Variants in ATRNL1 observed in about 807,000 individuals in gnomAD.
ATRNL1 encodes attractin like 1, also known as attractin-like protein 1.
A neutral mutation model predicts 182.7 loss-of-function variants in ATRNL1; 95 were observed. The observed-to-expected ratio is 0.52, with a 90% CI of 0.44 to 0.62. ATRNL1 has a LOEUF of 0.62. ATRNL1 is among the 20% of genes least tolerant of loss of function. ATRNL1 has a pLI of 0.00. For missense variants in ATRNL1, 1,471 were observed against 1,679.5 expected (o/e 0.88, Z 2.17); for synonymous variants, 576 against 568.3 (o/e 1.01, Z -0.19).
intron 25 of ATRNL1, among the ~76,000 whole-genome samples, chr10:115,538,051 A>G (rs568461156): frequency 6.6e-6 from 1 of 152,318 alleles, no homozygotes; most frequent in East Asian, 1.9e-4. Flanking sequence ...TTTCATTGCT[A>G]AGTAGTATTT....
chr10:115,892,726 G>A (rs1190566621), intron 28 of ATRNL1, among the ~76,000 whole-genome samples: 1 of 152,014 alleles, frequency 6.6e-6, no homozygotes, highest in Non-Finnish European at 1.5e-5. Flanking sequence ...TCATGATCAG[G>A]GAATATTTAC....
intron 27 of ATRNL1, among the ~76,000 whole-genome samples, chr10:115,814,616 C>T (rs200335661): frequency 0.013 from 1,940 of 152,008 alleles, 38 homozygotes; most frequent in African/African-American, 0.043. Flanking sequence ...ATGTTTTTTT[C>T]CTAAGGGTTT....
intron 19 of ATRNL1, among the ~76,000 whole-genome samples, chr10:115,354,646 T>A (rs1856423800): frequency 6.6e-6 from 1 of 152,248 alleles, no homozygotes; most frequent in Admixed American, 6.5e-5. Context: ...GATAGTTTGA[T>A]TATTATATGT....
At chr10:115,143,733 A>G (rs1845847023) in intron 5 of ATRNL1, among the ~76,000 whole-genome samples, 1 of 152,096 alleles carries the variant, frequency 6.6e-6, no homozygotes, top group Non-Finnish European at 1.5e-5. Context: ...CCAGAGAGAG[A>G]GAGAGGGAGA....
intron 21 of ATRNL1, among the ~76,000 whole-genome samples, chr10:115,446,707 G>C (rs565832748): frequency 6.6e-6 from 1 of 152,012 alleles, no homozygotes; most frequent in Admixed American, 6.6e-5. Flanking sequence ...GGAGCCTGAA[G>C]TATGAATGGT....
intron 27 of ATRNL1, among the ~76,000 whole-genome samples, chr10:115,793,060 G>C (rs1283445897): frequency 1.3e-5 from 2 of 151,934 alleles, no homozygotes; most frequent in African/African-American, 2.4e-5. Flanking sequence ...CTTTAAAGAA[G>C]AGGCTTAAAC....
chr10:115,684,921 A>C (rs569872590), intron 26 of ATRNL1, among the ~76,000 whole-genome samples: 36 of 151,878 alleles, frequency 2.4e-4, no homozygotes, highest in African/African-American at 8.7e-4. Flanking sequence ...TGTGGCTGTC[A>C]TCACAGAATA....
intron 19 of ATRNL1, among the ~76,000 whole-genome samples, chr10:115,335,489 T>A (rs116466305): frequency 0.014 from 2,109 of 152,330 alleles, 44 homozygotes; most frequent in African/African-American, 0.047. Context: ...GTAATTGTTC[T>A]TTTTAAATGT....
intron 28 of ATRNL1, among the ~76,000 whole-genome samples, chr10:115,851,087 G>A (rs1048221119): frequency 4.0e-5 from 6 of 151,296 alleles, no homozygotes; most frequent in Non-Finnish European, 4.4e-5. Flanking sequence ...AAATTTTTTT[G>A]TCAGGCTCCT....
chr10:115,147,042 G>A (rs1213269633), intron 5 of ATRNL1, among the ~76,000 whole-genome samples: 3 of 151,840 alleles, frequency 2.0e-5, no homozygotes, highest in Admixed American at 6.6e-5. Context: ...TTTTTGAGGA[G>A]TTTCCATACT....
intron 8 of ATRNL1, among the ~76,000 whole-genome samples, chr10:115,181,829 T>C (rs1410056410): frequency 2.6e-5 from 4 of 151,730 alleles, no homozygotes; most frequent in African/African-American, 9.7e-5. Flanking sequence ...TTTTAGTTTT[T>C]GTTGAACACA....
intron 27 of ATRNL1, among the ~76,000 whole-genome samples, chr10:115,819,084 C>CT (rs1555089442): frequency 6.6e-6 from 1 of 151,972 alleles, no homozygotes; most frequent in East Asian, 1.9e-4. Context: ...CTCAGGCATC[C>CT]CTCCTAGGCT....
chr10:115,223,866 T>G (rs1355324224), intron 9 of ATRNL1, among the ~76,000 whole-genome samples: 1 of 145,834 alleles, frequency 6.9e-6, no homozygotes, highest in East Asian at 1.9e-4. Context: ...TATTTATATA[T>G]AACATATGTG....
Position 115,120,182 on chromosome 10 carries a change from C to T in ATRNL1, c.294-3C>T. 6.8e-7 allele frequency: 1 copy of T among 1,472,260 alleles called. No individual in the cohort carries two copies. The highest frequency in any genetic ancestry group is 9.4e-7 in the Non-Finnish European group (1 of 1,059,176). The allele number at this position is 1,472,260 out of a possible 1,614,324, so 91.2% of individuals were successfully genotyped here. The stretch of plus-strand genomic sequence containing the variant: ...ATTTTCATTATTTTATTTTCTCTTC[C>T]AGGTTAACAGAACCTTCTGGATATT... On this transcript the variant is annotated splice_region_variant and splice_polypyrimidine_tract_variant and intron_variant, in intron 1 of 28. Transcript: ENST00000355044.
At position 115,160,080 on chromosome 10, in the gene ATRNL1, C is replaced by A. The variant is rs1469929038; in HGVS notation, c.870C>A (p.Tyr290Ter). The change falls in exon 6 of 29, where the codon TAC (tyrosine) becomes TAA (stop). Residue 290 changes from tyrosine (Y) to a stop codon, truncating the protein, a stop_gained. Transcript: ENST00000355044. LOFTEE classifies it high-confidence loss of function. ...TGAATGTTCCCTCTACTGAGTCTTA[C>A]TGGATTCTGCCAAACGTTAAACCCT... Reference protein sequence around the residue: ...CSLNVPSTESYWILPNVKPFS... With the variant: ...CSLNVPSTES 1 of 1,611,588 alleles carries A rather than the reference C, an allele frequency of 6.2e-7. No homozygotes were observed. Among genetic ancestry groups the A allele is most frequent in the Non-Finnish European group, 8.5e-7 (1 of 1,178,890 alleles).
intron 28 of ATRNL1, among the ~76,000 whole-genome samples, chr10:115,903,312 G>A (rs1555113900): frequency 1.3e-5 from 2 of 152,030 alleles, no homozygotes; most frequent in Non-Finnish European, 1.5e-5. Flanking sequence ...AAACCTCTCC[G>A]TGGTATCTTG....
Position 115,461,940 on chromosome 10 carries a change from GAC to G in ATRNL1, c.3324_3325del (p.Tyr1108Ter). The G allele has an allele frequency of 6.2e-7, 1 of 1,605,952 alleles. No individual in the cohort carries two copies. Among genetic ancestry groups the G allele is most frequent in the Non-Finnish European group, 8.5e-7 (1 of 1,176,162 alleles). On this transcript the variant is annotated frameshift_variant and splice_region_variant, in exon 22 of 29. Transcript: ENST00000355044. LOFTEE classifies it high-confidence loss of function. ...VGNPLRGTCY[Y>X]SLLIDYQFTF... ...GATTGTACTTTTTTTCCTCCCTACA[GAC>G]AGCCTTTTGATTGATTATCAATTTA...
intron 26 of ATRNL1, among the ~76,000 whole-genome samples, chr10:115,665,298 A>G (rs1018959076): frequency 6.6e-6 from 1 of 152,146 alleles, no homozygotes; most frequent in Admixed American, 6.6e-5. Context: ...CACTAATACA[A>G]ACTCCTCACT....
At chr10:115,462,088 T>G in intron 22 of ATRNL1, 53 bp downstream of exon 22, 1 of 1,332,832 alleles carries the variant, frequency 7.5e-7, no homozygotes, top group Non-Finnish European at 1.0e-6. Flanking sequence ...CAATTTTTTT[T>G]TCATATTTCA....
Sources: gnomAD v4.1 joint callset for allele counts (sites outside exome capture counted in the v4.1 genomes callset) on GRCh38, gnomAD v4.1.1 for gene constraint, MANE v1.5 for transcripts, NCBI Gene and HGNC (gene_info 2026-07-23, HGNC 2026-07-21) for gene names.